TTC6: variants seen among roughly 807,000 people sequenced by gnomAD.
TTC6 encodes the protein tetratricopeptide repeat protein 6.
Under a neutral mutation model 210.4 loss-of-function variants are expected in TTC6, and 172 were observed. The ratio of observed to expected loss-of-function variants is 0.82; its 90% CI spans 0.72 to 0.93. TTC6 has a LOEUF of 0.93. Among genes scored for constraint, TTC6 ranks in the 40% least tolerant of loss-of-function variants. The probability of loss-of-function intolerance (pLI) is 0.00; values close to 1 mark genes in which losing one functional copy is unlikely to be tolerated. For synonymous variants in TTC6, 804 were observed against 819.6 expected, an observed-to-expected ratio of 0.98 and a Z score of 0.32; for missense variants, 2,414 against 2,318.1, an observed-to-expected ratio of 1.04 and a Z score of -0.85.
chr14:37,780,251 G>C (rs1323339509), intron 14 of TTC6, among the ~76,000 whole-genome samples: 1 of 152,084 alleles, frequency 6.6e-6, no homozygotes, highest in Non-Finnish European at 1.5e-5. Flanking sequence ...CAACTTTTAA[G>C]TTCAGGGGTA....
At position 37,695,193 on chromosome 14, in the gene TTC6, T is replaced by C. The variant is rs577477723; in HGVS notation, c.1258-1524T>C. ...TTGTGGGATCTAAAAATCAAAACAA[T>C]TGAACCCATGGAGATAGAGAGTATA... is the stretch of plus-strand genomic sequence containing the variant. On this transcript the variant is annotated intron_variant, in intron 3 of 30. Coordinates refer to ENST00000553443, the Ensembl canonical transcript of TTC6. Among the ~76,000 whole-genome samples the C allele has an allele frequency of 5.9e-5, 9 of 151,792 alleles. No individual in the cohort carries two copies. The South Asian group carries it at 1.9e-3, about 32-fold the overall frequency.
intron 7 of TTC6, 27 bp from the exon 10 acceptor site, chr14:37,735,894 T>C: frequency 7.2e-7 from 1 of 1,390,982 alleles, no homozygotes; most frequent in Non-Finnish European, 9.8e-7. Flanking sequence ...CAAAACATAA[T>C]TTAAAATTGT....
At chr14:37,818,112 G>A (rs12896195) in intron 26 of TTC6, among the ~76,000 whole-genome samples, 141,534 of 152,174 alleles carry the variant, frequency 0.93, 65,926 homozygotes, top group East Asian at 0.97. Context: ...ATTTAAAAAC[G>A]TAACTAAATA....
intron 1 of TTC6, among the ~76,000 whole-genome samples, chr14:37,624,307 A>G (rs575830941): frequency 6.6e-6 from 1 of 152,332 alleles, no homozygotes; most frequent in East Asian, 1.9e-4. Flanking sequence ...CTATGAATCT[A>G]ATAAGAAAAC....
At chr14:37,739,351 C>T (rs926315073) in intron 10 of TTC6, among the ~76,000 whole-genome samples, 196 bp downstream of exon 12, 11 of 151,624 alleles carry the variant, frequency 7.3e-5, no homozygotes, top group Non-Finnish European at 1.3e-4. Flanking sequence ...CAGAGGCGGG[C>T]GGATCAACTG....
chr14:37,752,425 A>G (rs1474628781), intron 13 of TTC6, among the ~76,000 whole-genome samples: 1 of 151,994 alleles, frequency 6.6e-6, no homozygotes, highest in African/African-American at 2.4e-5. Context: ...AAATTGTTAG[A>G]TTATCTATTC....
In TTC6 at chr14:37,659,152, C is replaced by T. The variant is rs150944344; in HGVS notation, c.940-20999C>T. Among the ~76,000 whole-genome samples the T allele has an allele frequency of 5.1e-3, 781 of 152,078 alleles. 6 individuals are homozygous for T. The highest frequency in any genetic ancestry group is 0.016 in the African/African-American group (670 of 41,486). ...GCTGCATAGTATTTCATGGTATATA[C>T]GTACCACATTTTCTTTATTCACTCT... is the stretch of plus-strand genomic sequence containing the variant. On this transcript the variant is annotated intron_variant, in intron 1 of 30. Coordinates refer to ENST00000553443, the Ensembl canonical transcript of TTC6.
At chr14:37,764,727 C>T (rs945697425) in intron 14 of TTC6, among the ~76,000 whole-genome samples, 1 of 151,860 alleles carries the variant, frequency 6.6e-6, no homozygotes, top group Non-Finnish European at 1.5e-5. Context: ...AATTATTTTC[C>T]CAATATCTTC....
In TTC6 at chr14:37,657,212, C is replaced by CAAAAA. The variant is rs61052302; in HGVS notation, c.940-22916_940-22912dup. ...GGGCAACATGAGCGAAACTCTGTCT[C>CAAAAA]AAAAAAAAAAAAAAAAAAAAAAAAA... On this transcript the variant is annotated intron_variant, in intron 1 of 30. Transcript: ENST00000553443. Among the ~76,000 whole-genome samples the CAAAAA allele has an allele frequency of 4.2e-4, 15 of 35,648 alleles. 1 individual carries two copies. The highest frequency in any genetic ancestry group is 2.8e-3 in the South Asian group (2 of 726). 23.4% of individuals were successfully genotyped at this position (35,648 alleles called of 152,430 possible). A position where few individuals can be genotyped will look rare whatever the true frequency, so the allele number is the denominator to read the frequency against.
At chr14:37,747,030 T>A (rs1024415614) in intron 10 of TTC6, among the ~76,000 whole-genome samples, 1 of 152,216 alleles carries the variant, frequency 6.6e-6, no homozygotes, top group Non-Finnish European at 1.5e-5. Flanking sequence ...AACTACTCTT[T>A]GGTCTGAAAG....
intron 14 of TTC6, among the ~76,000 whole-genome samples, chr14:37,768,918 G>A (rs925908095): frequency 6.6e-6 from 1 of 150,422 alleles, no homozygotes; most frequent in Non-Finnish European, 1.5e-5. Flanking sequence ...TGCCCATTCA[G>A]TATGATATTG....
intron 14 of TTC6, among the ~76,000 whole-genome samples, chr14:37,767,721 C>T (rs1265228812): frequency 2.6e-5 from 4 of 151,648 alleles, no homozygotes; most frequent in South Asian, 2.1e-4. Context: ...GATGAGTAGG[C>T]TGCGAAAATT....
chr14:37,828,102 A>G (rs1595326809), intron 29 of TTC6, among the ~76,000 whole-genome samples: 1 of 152,064 alleles, frequency 6.6e-6, no homozygotes, highest in East Asian at 1.9e-4. Context: ...TGGGAATAAG[A>G]AGACTTGGAT....
chr14:37,750,022 T>A (rs2095947092), intron 12 of TTC6, among the ~76,000 whole-genome samples, 179 bp downstream of exon 14: 1 of 152,176 alleles, frequency 6.6e-6, no homozygotes, highest in Non-Finnish European at 1.5e-5. Context: ...ATAGTGTTTT[T>A]AAAATACCAT....
intron 1 of TTC6, among the ~76,000 whole-genome samples, chr14:37,596,842 C>G (rs1415989413): frequency 5.9e-5 from 9 of 152,074 alleles, no homozygotes; most frequent in Non-Finnish European, 1.2e-4. Flanking sequence ...AAACAGATAC[C>G]TTTTTCCCTG....
chr14:37,765,469 C>T (rs2095996380), intron 14 of TTC6, among the ~76,000 whole-genome samples: 1 of 152,018 alleles, frequency 6.6e-6, no homozygotes, highest in South Asian at 2.1e-4. Context: ...ACATGAGCCA[C>T]TGCACCCTAT....
intron 14 of TTC6, among the ~76,000 whole-genome samples, chr14:37,785,460 A>T (rs2139292331): frequency 6.6e-6 from 1 of 152,202 alleles, no homozygotes; most frequent in African/African-American, 2.4e-5. Context: ...CATTGTTTTG[A>T]ACTCCATCAG....
At chr14:37,641,829 G>A (rs2095692344) in intron 1 of TTC6, among the ~76,000 whole-genome samples, 1 of 152,078 alleles carries the variant, frequency 6.6e-6, no homozygotes, top group Non-Finnish European at 1.5e-5. Context: ...TCTAGAGCTG[G>A]GAGGTAACCT....
At chr14:37,836,227 C>A (rs567125490) in intron 29 of TTC6, among the ~76,000 whole-genome samples, 9 of 152,240 alleles carry the variant, frequency 5.9e-5, no homozygotes, top group Admixed American at 1.3e-4. Context: ...CATCCTTAAG[C>A]TAATGTCATC....
Sources: gnomAD v4.1 joint callset for allele counts (sites outside exome capture counted in the v4.1 genomes callset) on GRCh38, gnomAD v4.1.1 for gene constraint, MANE v1.5 for transcripts, NCBI Gene and HGNC (gene_info 2026-07-23, HGNC 2026-07-21) for gene names.